The following DIP2B variants were observed in gnomAD, a reference collection of about 807,000 sequenced individuals.
DIP2B encodes DIP2 acetate--CoA ligase B (putative).
A neutral mutation model predicts 198.0 loss-of-function variants in DIP2B; 76 were observed. That is an observed-to-expected ratio of 0.38 (90% CI 0.32 to 0.46). The LOEUF is 0.46. DIP2B is among the 20% of genes least tolerant of loss of function. DIP2B has a pLI of 0.99. For synonymous variants in DIP2B, 701 were observed against 739.1 expected (o/e 0.95, Z 0.84); for missense variants, 1,559 against 1,978.4 (o/e 0.79, Z 4.02).
In DIP2B at chr12:50,727,689, T is replaced by A. The variant is rs151168476; in HGVS notation, c.3401-14T>A. On this transcript the variant is annotated splice_polypyrimidine_tract_variant and intron_variant, in intron 28 of 37. Transcript: ENST00000301180. ...CATGTTGGATTGACATCAGGTTTTT[T>A]CTTTTCATGGCAGATGATTTACCCA... The A allele has an allele frequency of 6.8e-6, 11 of 1,610,116 alleles. No individual in the cohort carries two copies. The highest frequency in any genetic ancestry group is 1.3e-5 in the African/African-American group (1 of 74,960).
chr12:50,715,562 C>T (rs1939699264), intron 23 of DIP2B, among the ~76,000 whole-genome samples: 1 of 152,134 alleles, frequency 6.6e-6, no homozygotes, highest in Non-Finnish European at 1.5e-5. Flanking sequence ...TCCCATCCAG[C>T]CATAACTAAG....
At chr12:50,688,986 C>A (rs191679020) in intron 12 of DIP2B, among the ~76,000 whole-genome samples, 1 of 152,288 alleles carries the variant, frequency 6.6e-6, no homozygotes, top group African/African-American at 2.4e-5. Flanking sequence ...ACCCACAGGA[C>A]TCTACTAGTG....
intron 30 of DIP2B, 39 bp downstream of exon 30, chr12:50,728,717 G>A (rs373939973): frequency 6.3e-7 from 1 of 1,599,576 alleles, no homozygotes; most frequent in Non-Finnish European, 8.5e-7. Flanking sequence ...ATGTGTGGGG[G>A]TATACTTTGT....
intron 1 of DIP2B, among the ~76,000 whole-genome samples, chr12:50,596,398 A>T (rs1374028526): frequency 6.6e-6 from 1 of 152,204 alleles, no homozygotes; most frequent in African/African-American, 2.4e-5. Context: ...ATCCATAGCC[A>T]GTCTGGGCTG....
At chr12:50,693,295 C>T (rs1400955750) in intron 14 of DIP2B, among the ~76,000 whole-genome samples, 4 of 152,210 alleles carry the variant, frequency 2.6e-5, no homozygotes, top group Non-Finnish European at 5.9e-5. Context: ...AAAAAGGTGA[C>T]TTCCTTCTAG....
intron 1 of DIP2B, among the ~76,000 whole-genome samples, chr12:50,594,273 C>T (rs1958860227): frequency 6.6e-6 from 1 of 151,992 alleles, no homozygotes; most frequent in Admixed American, 6.6e-5. Flanking sequence ...TGTGAGGTAT[C>T]AAAGCCCAAC....
intron 1 of DIP2B, among the ~76,000 whole-genome samples, chr12:50,607,323 A>G (rs1283336752): frequency 1.3e-5 from 2 of 152,202 alleles, no homozygotes; most frequent in African/African-American, 2.4e-5. Flanking sequence ...CTTAACTAAC[A>G]TATCCAAAGA....
chr12:50,676,311 G>T (rs1938945274), intron 7 of DIP2B, among the ~76,000 whole-genome samples: 1 of 152,192 alleles, frequency 6.6e-6, no homozygotes. Context: ...GAGACTAATA[G>T]TAATAGGTTT....
chr12:50,716,663 T>C (rs762595703), intron 23 of DIP2B, among the ~76,000 whole-genome samples: 2 of 152,242 alleles, frequency 1.3e-5, no homozygotes, highest in Non-Finnish European at 2.9e-5. Flanking sequence ...TTGTCTCATC[T>C]GTTTCAGTAT....
At position 50,613,416 on chromosome 12, in the gene DIP2B, G is replaced by A. The variant is rs1313018277; in HGVS notation, c.101-12560G>A. On this transcript the variant is annotated intron_variant, in intron 1 of 37. Coordinates refer to ENST00000301180, the MANE Select transcript of DIP2B (RefSeq NM_173602.3). ...CAGAAAGAAATTTAGAGGTCATTAA[G>A]CCAGAGTCCTGTCATCTTCTGTCCT... 2.6e-5 allele frequency among the ~76,000 whole-genome samples: 4 copies of A among 152,316 alleles called. No individual in the cohort carries two copies. The East Asian group carries it at 7.7e-4, about 29-fold the overall frequency.
chr12:50,660,358 C>T (rs1592114887), intron 4 of DIP2B, 39 bp downstream of exon 4: 1 of 1,538,882 alleles, frequency 6.5e-7, no homozygotes, highest in Non-Finnish European at 8.7e-7. Context: ...ACAGTTAATA[C>T]CTTGATGTTC....
At chr12:50,669,516 G>C (rs573188287) in intron 4 of DIP2B, among the ~76,000 whole-genome samples, 1 of 152,096 alleles carries the variant, frequency 6.6e-6, no homozygotes, top group African/African-American at 2.4e-5. Context: ...TCCGCCTCCC[G>C]GTCTTAAGTG....
At chr12:50,704,021 C>T in intron 19 of DIP2B, 119 bp from the exon 20 acceptor site, 1 of 737,774 alleles carries the variant, frequency 1.4e-6, no homozygotes. Context: ...GATGGAATTA[C>T]TGGATTCACT....
intron 1 of DIP2B, among the ~76,000 whole-genome samples, chr12:50,514,025 T>C (rs1483613802): frequency 6.6e-6 from 1 of 151,774 alleles, no homozygotes; most frequent in Non-Finnish European, 1.5e-5. Context: ...TACTTTTATT[T>C]AAAACCATTG....
intron 16 of DIP2B, 72 bp from the exon 17 acceptor site, chr12:50,696,989 A>G (rs1939324015): frequency 8.6e-7 from 1 of 1,168,050 alleles, no homozygotes; most frequent in East Asian, 2.4e-5. Context: ...TCAGCTTTCT[A>G]TTCTTTACCA....
At position 50,671,378 on chromosome 12, in the gene DIP2B, T is replaced by C; in HGVS notation, c.620T>C (p.Val207Ala). ...GGAACCAGTGGGTCTCTAGCTGATGTATTTGCCAATACTCGAATAGGTAGG... is the reference window on the plus strand; with the variant it reads ...GGAACCAGTGGGTCTCTAGCTGATGCATTTGCCAATACTCGAATAGGTAGG... Reference protein sequence around the residue: ...VKGTSGSLADVFANTRIENFS... With the variant: ...VKGTSGSLADAFANTRIENFS... Residue 207 changes from valine (V) to alanine (A), a missense_variant, in exon 5 of 38, where the codon GTA (valine) becomes GCA (alanine). Physicochemically the swap from Val to Ala is moderately conservative, Grantham distance 64. Transcript: ENST00000301180. The C allele has an allele frequency of 6.2e-7, 1 of 1,614,182 alleles. No homozygotes were observed. Among genetic ancestry groups the C allele is most frequent in the Non-Finnish European group, 8.5e-7 (1 of 1,180,032 alleles).
At chr12:50,623,242 G>A (rs917054771) in intron 1 of DIP2B, among the ~76,000 whole-genome samples, 1 of 151,838 alleles carries the variant, frequency 6.6e-6, no homozygotes, top group African/African-American at 2.4e-5. Flanking sequence ...AAACTAGCCA[G>A]GCATGGTGGC....
At chr12:50,686,067 T>C in intron 11 of DIP2B, 111 bp downstream of exon 11, 1 of 1,121,176 alleles carries the variant, frequency 8.9e-7, no homozygotes, top group Non-Finnish European at 1.2e-6. Flanking sequence ...TATTTAATTC[T>C]CATAGTCTTA....
At position 50,735,149 on chromosome 12, in the gene DIP2B, C is replaced by T; in HGVS notation, c.4101+19C>T. 6.2e-7 allele frequency: 1 copy of T among 1,613,958 alleles called. No individual in the cohort carries two copies. Among genetic ancestry groups the T allele is most frequent in the Non-Finnish European group, 8.5e-7 (1 of 1,179,926 alleles). ...TGGAAAGGTAATTTGTTCTGTTGAC[C>T]ATGGGGAAGGTGGGCTGTGTGGAGA... On this transcript the variant is annotated intron_variant, in intron 34 of 37. Transcript: ENST00000301180.
Sources: gnomAD v4.1 joint callset for allele counts (sites outside exome capture counted in the v4.1 genomes callset) on GRCh38, gnomAD v4.1.1 for gene constraint, MANE v1.5 for transcripts, NCBI Gene and HGNC (gene_info 2026-07-23, HGNC 2026-07-21) for gene names.